Variants in SLCO6A1 observed in about 807,000 individuals in gnomAD.
SLCO6A1 encodes solute carrier organic anion transporter family member 6A1.
A neutral mutation model predicts 72.7 loss-of-function variants in SLCO6A1; 65 were observed. The ratio of observed to expected loss-of-function variants is 0.89; its 90% CI spans 0.73 to 1.10. SLCO6A1 has a LOEUF of 1.10. Among genes scored for constraint, SLCO6A1 ranks in the 50% least tolerant of loss-of-function variants. The pLI is 0.00. For missense variants in SLCO6A1, 874 were observed against 872.6 expected (o/e 1.00, Z -0.02); for synonymous variants, 314 against 298.2 (o/e 1.05, Z -0.55).
chr5:102,424,349 G>C (rs1164487407), intron 7 of SLCO6A1, among the ~76,000 whole-genome samples: 1 of 151,290 alleles, frequency 6.6e-6, no homozygotes, highest in East Asian at 1.9e-4. Context: ...TTTTTGAAAA[G>C]ATTAACAAAC....
At chr5:102,416,010 G>T (rs746359406) in intron 8 of SLCO6A1, among the ~76,000 whole-genome samples, 1 of 152,086 alleles carries the variant, frequency 6.6e-6, no homozygotes, top group Non-Finnish European at 1.5e-5. Flanking sequence ...AACGAAGTAT[G>T]ATGTTACCCT....
chr5:102,392,972 C>T (rs1746850329), intron 10 of SLCO6A1, among the ~76,000 whole-genome samples: 1 of 152,118 alleles, frequency 6.6e-6, no homozygotes, highest in Non-Finnish European at 1.5e-5. Context: ...ACGCACTTCT[C>T]AAGCCCAAAT....
intron 10 of SLCO6A1, among the ~76,000 whole-genome samples, chr5:102,394,492 A>C (rs576320275): frequency 2.0e-5 from 3 of 152,090 alleles, no homozygotes; most frequent in African/African-American, 4.8e-5. Context: ...TATTACATAC[A>C]ATATCATATT....
chr5:102,412,190 C>T (rs572008135), intron 9 of SLCO6A1, among the ~76,000 whole-genome samples: 4 of 152,044 alleles, frequency 2.6e-5, no homozygotes, highest in African/African-American at 9.6e-5. Context: ...CAAATTGTCC[C>T]GCCTTTCTGG....
intron 1 of SLCO6A1, among the ~76,000 whole-genome samples, chr5:102,497,004 A>G (rs1257093414): frequency 6.6e-6 from 1 of 152,248 alleles, no homozygotes; most frequent in Non-Finnish European, 1.5e-5. Flanking sequence ...AAACTCGATG[A>G]CAATTTATTA....
chr5:102,374,599 T>C (rs1745674778), intron 12 of SLCO6A1, among the ~76,000 whole-genome samples: 1 of 152,128 alleles, frequency 6.6e-6, no homozygotes, highest in South Asian at 2.1e-4. Context: ...GACATAATGG[T>C]TTCAAGATAA....
At chr5:102,419,682 T>A in intron 8 of SLCO6A1, 144 bp downstream of exon 8, 2 of 647,204 alleles carry the variant, frequency 3.1e-6, no homozygotes, top group South Asian at 5.3e-5. Context: ...AAATTTAAAC[T>A]GTACTTTATA....
At chr5:102,469,582 C>G (rs1280083815) in intron 4 of SLCO6A1, among the ~76,000 whole-genome samples, 2 of 152,056 alleles carry the variant, frequency 1.3e-5, no homozygotes, top group Non-Finnish European at 2.9e-5. Context: ...GTTTTCTGAA[C>G]ATACAATCAT....
chr5:102,498,643 T>C lies in SLCO6A1; in HGVS notation c.202A>G (p.Lys68Glu), dbSNP rs1214004274. The change falls in exon 1 of 14, where the codon AAA (lysine) becomes GAA (glutamate). Residue 68 changes from lysine to glutamate, a missense_variant. Physicochemically the swap from Lys to Glu is moderately conservative, Grantham distance 56. Coordinates refer to ENST00000506729, the MANE Select transcript of SLCO6A1 (RefSeq NM_173488.5). ...TTGGAAACTGAGGACTTGGCTTTTT[T>C]CCTTTTTCGGAAACCGCCGAACCTT... ...LIRFGGFRKR[K>E]KAKSSVSKKP... The C allele has an allele frequency of 1.8e-5, 29 of 1,614,108 alleles. No homozygotes were observed. Among genetic ancestry groups the C allele is most frequent in the Non-Finnish European group, 2.4e-5 (28 of 1,180,042 alleles).
chr5:102,493,078 T>C (rs997387341), intron 1 of SLCO6A1, among the ~76,000 whole-genome samples: 1 of 152,036 alleles, frequency 6.6e-6, no homozygotes, highest in African/African-American at 2.4e-5. Flanking sequence ...AAAAAAATAC[T>C]ACACAAAGGG....
At chr5:102,383,829 C>G (rs919900231) in intron 12 of SLCO6A1, among the ~76,000 whole-genome samples, 1 of 151,716 alleles carries the variant, frequency 6.6e-6, no homozygotes, top group African/African-American at 2.4e-5. Context: ...GACTCCTATG[C>G]TTTTCTTGAT....
chr5:102,498,124 C>T (rs1260653882), intron 1 of SLCO6A1, among the ~76,000 whole-genome samples: 1 of 152,152 alleles, frequency 6.6e-6, no homozygotes, highest in African/African-American at 2.4e-5. Context: ...AGTTCCCGAG[C>T]CCCTGCCAGC....
intron 3 of SLCO6A1, among the ~76,000 whole-genome samples, chr5:102,476,239 T>C (rs1429188119): frequency 6.6e-6 from 1 of 151,948 alleles, no homozygotes; most frequent in Non-Finnish European, 1.5e-5. Context: ...AAAATAAAAA[T>C]GACCTTCAAA....
intron 6 of SLCO6A1, among the ~76,000 whole-genome samples, chr5:102,446,600 C>A (rs1242223560): frequency 6.6e-6 from 1 of 152,068 alleles, no homozygotes; most frequent in Non-Finnish European, 1.5e-5. Flanking sequence ...CTATGTTGAA[C>A]AGGAGTGGTG....
At chr5:102,403,007 G>C (rs1747482003) in intron 9 of SLCO6A1, among the ~76,000 whole-genome samples, 1 of 152,068 alleles carries the variant, frequency 6.6e-6, no homozygotes, top group African/African-American at 2.4e-5. Context: ...CTTATTTGAT[G>C]AAAAAATATG....
intron 7 of SLCO6A1, among the ~76,000 whole-genome samples, chr5:102,437,318 C>T (rs1272550216): frequency 6.6e-6 from 1 of 152,086 alleles, no homozygotes. Context: ...ACTTTGATAT[C>T]TCAGGCTAAG....
intron 9 of SLCO6A1, among the ~76,000 whole-genome samples, chr5:102,400,178 T>A (rs950849412): frequency 6.6e-6 from 1 of 151,998 alleles, no homozygotes; most frequent in African/African-American, 2.4e-5. Context: ...TTATTTTGTA[T>A]GTAATAATGA....
chr5:102,451,108 A>G (rs1750391905), intron 6 of SLCO6A1, among the ~76,000 whole-genome samples: 3 of 152,176 alleles, frequency 2.0e-5, no homozygotes. Context: ...TTCCATGTGG[A>G]AAACAATCTG....
At chr5:102,389,200 T>C (rs1176719808) in intron 11 of SLCO6A1, among the ~76,000 whole-genome samples, 3 of 152,166 alleles carry the variant, frequency 2.0e-5, no homozygotes, top group African/African-American at 2.4e-5. Flanking sequence ...TATCTTTAAT[T>C]GTAAAATTTT....
Sources: allele counts gnomAD v4.1 joint callset (sites outside exome capture counted in the v4.1 genomes callset), GRCh38; gene constraint gnomAD v4.1.1; transcripts MANE v1.5; gene names NCBI Gene and HGNC (gene_info 2026-07-23, HGNC 2026-07-21).